CALN1: variants seen among roughly 807,000 people sequenced by gnomAD.
CALN1 encodes the protein calneuron 1.
In CALN1, 17 loss-of-function variants were observed where a neutral mutation model predicts 30.6. That is an observed-to-expected ratio of 0.56 (90% confidence interval 0.38 to 0.83). The LOEUF (loss-of-function observed/expected upper bound fraction) is 0.83. Among genes scored for constraint, CALN1 ranks in the 40% least tolerant of loss-of-function variants. The pLI is 0.00. For missense variants in CALN1, 291 were observed against 354.9 expected (o/e 0.82, Z 1.45); for synonymous variants, 156 against 131.4 (o/e 1.19, Z -1.28).
intron 5 of CALN1, among the ~76,000 whole-genome samples, chr7:71,845,639 T>C (rs1266244994): frequency 6.6e-6 from 1 of 152,146 alleles, no homozygotes; most frequent in East Asian, 1.9e-4. Flanking sequence ...GCTGGGGAAC[T>C]TGTTAGAAAT....
intron 5 of CALN1, among the ~76,000 whole-genome samples, chr7:71,931,819 T>C (rs1795569918): frequency 6.6e-6 from 1 of 152,146 alleles, no homozygotes; most frequent in South Asian, 2.1e-4. Flanking sequence ...ATCATTCTTC[T>C]GATTTGTCTT....
At chr7:71,806,249 T>G (rs796614039) in intron 6 of CALN1, among the ~76,000 whole-genome samples, 1 of 114,270 alleles carries the variant, frequency 8.8e-6, no homozygotes, top group Admixed American at 8.5e-5. Context: ...TGTGCACGCA[T>G]GCACACACAC....
intron 2 of CALN1, among the ~76,000 whole-genome samples, chr7:72,377,285 CTTTT>C (rs1002896018): frequency 2.0e-5 from 3 of 152,042 alleles, no homozygotes; most frequent in South Asian, 2.1e-4. Context: ...TTGTCTTTAG[CTTTT>C]TTTTAGATAT....
At chr7:72,430,673 C>T (rs1807944371) in intron 1 of CALN1, among the ~76,000 whole-genome samples, 1 of 152,058 alleles carries the variant, frequency 6.6e-6, no homozygotes, top group Non-Finnish European at 1.5e-5. Context: ...GAAGGTGAGC[C>T]GAGCACCAAC....
the CALN1 span, among the ~76,000 whole-genome samples, chr7:72,455,544 C>A: frequency 1.3e-5 from 2 of 151,878 alleles, no homozygotes; most frequent in Non-Finnish European, 2.9e-5. Flanking sequence ...GCAGGAAAGA[C>A]AAATTTCAAA....
intron 5 of CALN1, among the ~76,000 whole-genome samples, chr7:71,837,265 A>AG (rs1789676784): frequency 6.8e-6 from 1 of 147,712 alleles, no homozygotes; most frequent in Non-Finnish European, 1.5e-5. Flanking sequence ...AAAAAAAAAA[A>AG]GCCACAAAGT....
intron 2 of CALN1, among the ~76,000 whole-genome samples, chr7:72,379,592 T>C (rs1804770919): frequency 1.3e-5 from 2 of 152,234 alleles, no homozygotes; most frequent in African/African-American, 2.4e-5. Context: ...GGTCACAGTG[T>C]TCATGACCCA....
intron 1 of CALN1, among the ~76,000 whole-genome samples, chr7:72,430,318 T>G (rs1807935063): frequency 6.7e-6 from 1 of 148,266 alleles, no homozygotes; most frequent in East Asian, 1.9e-4. Flanking sequence ...TTATACATAT[T>G]TTAACAGATA....
At chr7:72,306,322 A>C (rs1296587561) in intron 2 of CALN1, among the ~76,000 whole-genome samples, 1 of 152,168 alleles carries the variant, frequency 6.6e-6, no homozygotes, top group Non-Finnish European at 1.5e-5. Context: ...ATTAAGTAAG[A>C]GTCTAGCAAT....
At chr7:71,805,308 G>A (rs1030982506) in intron 6 of CALN1, among the ~76,000 whole-genome samples, 1 of 152,208 alleles carries the variant, frequency 6.6e-6, no homozygotes, top group Non-Finnish European at 1.5e-5. Context: ...CTAGGGATGA[G>A]GGGTGGGTTA....
intron 5 of CALN1, among the ~76,000 whole-genome samples, chr7:72,015,867 T>C (rs756854404): frequency 6.6e-6 from 1 of 152,132 alleles, no homozygotes; most frequent in South Asian, 2.1e-4. Flanking sequence ...GTAAGATCCC[T>C]GTGGGGAATG....
At chr7:72,051,532 A>T (rs1802837802) in intron 4 of CALN1, among the ~76,000 whole-genome samples, 1 of 152,188 alleles carries the variant, frequency 6.6e-6, no homozygotes, top group South Asian at 2.1e-4. Context: ...GTTGAGAAAT[A>T]GACACTCCTC....
In CALN1 at chr7:71,980,191, T is replaced by C. The variant is rs566710109; in HGVS notation, c.501+43466A>G. Among the ~76,000 whole-genome samples, 623 of 147,620 alleles carry C rather than the reference T, an allele frequency of 4.2e-3. 4 individuals carry two copies. In the Middle Eastern group the frequency reaches 0.051, roughly 12 times the overall value. On this transcript the variant is annotated intron_variant, in intron 5 of 6. Transcript: ENST00000395275. ...CATGCCTGGCCTCTTCTTTTTCTTT[T>C]TTTTTTTTTTTTTGAGACAGAGTCT...
At chr7:71,941,276 G>A (rs933444437) in intron 5 of CALN1, among the ~76,000 whole-genome samples, 52 of 128,476 alleles carry the variant, frequency 4.0e-4, no homozygotes, top group Middle Eastern at 3.4e-3. Flanking sequence ...GCTTGAACCC[G>A]GGAGGCGGAG....
chr7:72,265,113 G>A (rs568003), intron 3 of CALN1, among the ~76,000 whole-genome samples: 1,779 of 152,242 alleles, frequency 0.012, 32 homozygotes, highest in African/African-American at 0.041. Context: ...GAGCCACCAC[G>A]CCCAAGCTAA....
chr7:72,246,841 G>A (rs894973517), intron 3 of CALN1, among the ~76,000 whole-genome samples: 3 of 141,912 alleles, frequency 2.1e-5, no homozygotes, highest in African/African-American at 7.9e-5. Context: ...TGCAACCTCC[G>A]CCTCCCAGGT....
intron 2 of CALN1, among the ~76,000 whole-genome samples, chr7:72,295,464 T>C (rs929818248): frequency 6.6e-6 from 1 of 151,924 alleles, no homozygotes; most frequent in Non-Finnish European, 1.5e-5. Flanking sequence ...AGTATGGCCA[T>C]TTTCACGATA....
At chr7:71,985,641 G>T (rs1184646682) in intron 5 of CALN1, among the ~76,000 whole-genome samples, 1 of 143,938 alleles carries the variant, frequency 6.9e-6, no homozygotes, top group Non-Finnish European at 1.5e-5. Context: ...CCAGGCTGGA[G>T]TGCAGTGGCT....
intron 2 of CALN1, among the ~76,000 whole-genome samples, chr7:72,402,441 C>T (rs1477347598): frequency 6.6e-6 from 1 of 152,192 alleles, no homozygotes; most frequent in African/African-American, 2.4e-5. Flanking sequence ...AAGCTGGTGG[C>T]TAAAGCTGGA....
Sources: gnomAD v4.1 joint callset for allele counts (sites outside exome capture counted in the v4.1 genomes callset) on GRCh38, gnomAD v4.1.1 for gene constraint, MANE v1.5 for transcripts, NCBI Gene and HGNC (gene_info 2026-07-23, HGNC 2026-07-21) for gene names.